The following ABCA13 variants were observed in gnomAD, a reference collection of about 807,000 sequenced individuals.
The protein encoded by ABCA13 is ATP-binding cassette sub-family A member 13.
ABCA13 carries 476 observed loss-of-function variants against 478.7 expected under a neutral mutation model. The observed-to-expected ratio is 0.99, with a 90% CI of 0.92 to 1.07. The LOEUF is 1.07. ABCA13 is among the 50% of genes least tolerant of loss of function. The pLI is 0.00. For missense variants in ABCA13, 6,060 were observed against 5,910.6 expected (o/e 1.03, Z -0.83); for synonymous variants, 2,252 against 2,158.9 (o/e 1.04, Z -1.20).
chr7:48,202,571 T>C (rs570540741), intron 3 of ABCA13, among the ~76,000 whole-genome samples: 1 of 152,030 alleles, frequency 6.6e-6, no homozygotes, highest in East Asian at 1.9e-4. Context: ...GGGTGCTGAT[T>C]GGAGTGTTTA....
intron 42 of ABCA13, among the ~76,000 whole-genome samples, chr7:48,437,679 A>T (rs1361450861): frequency 6.6e-6 from 1 of 152,068 alleles, no homozygotes; most frequent in African/African-American, 2.4e-5. Context: ...TGTCTAAATA[A>T]TCGTTTGTTG....
chr7:48,458,233 G>A (rs1397820198), intron 43 of ABCA13, among the ~76,000 whole-genome samples: 1 of 152,150 alleles, frequency 6.6e-6, no homozygotes, highest in African/African-American at 2.4e-5. Flanking sequence ...TCTAAATCTT[G>A]GCACAGGAAT....
intron 58 of ABCA13, among the ~76,000 whole-genome samples, chr7:48,608,728 A>G: frequency 6.6e-6 from 1 of 152,222 alleles, no homozygotes; most frequent in East Asian, 1.9e-4. Flanking sequence ...AGTGGGGAGC[A>G]GCCTATGGCT....
At chr7:48,472,413 G>C (rs1179639841) in intron 45 of ABCA13, among the ~76,000 whole-genome samples, 1 of 152,118 alleles carries the variant, frequency 6.6e-6, no homozygotes, top group Non-Finnish European at 1.5e-5. Flanking sequence ...TTGAGCCAAA[G>C]TTGAGAACAG....
intron 58 of ABCA13, 46 bp from the exon 59 acceptor site, chr7:48,615,239 C>A: frequency 8.0e-7 from 1 of 1,247,786 alleles, no homozygotes; most frequent in Non-Finnish European, 1.1e-6. Context: ...TCAACCCTCC[C>A]CTCTTCAGGA....
chr7:48,190,851 A>G (rs1797013450), intron 1 of ABCA13, among the ~76,000 whole-genome samples: 1 of 152,286 alleles, frequency 6.6e-6, no homozygotes, highest in East Asian at 1.9e-4. Flanking sequence ...ATCTTTCTGT[A>G]CTTTTAAAAT....
At chr7:48,630,855 C>G (rs114013090) in intron 59 of ABCA13, among the ~76,000 whole-genome samples, 2,346 of 150,908 alleles carry the variant, frequency 0.016, 52 homozygotes, top group African/African-American at 0.053. Flanking sequence ...CATCCTGACT[C>G]GTGTGAAATA....
rs369621069 is a variant in ABCA13 at position 48,364,956 on chromosome 7, A to G, written c.10689-2838A>G. ...GGAATTGCTGGGTCATATTGTAGTT[A>G]TATTTTTTAGTTATTTGAGGAAACT... On this transcript the variant is annotated intron_variant, in intron 31 of 61. Transcript: ENST00000435803. Among the ~76,000 whole-genome samples, 7 of 152,152 alleles carry G rather than the reference A, an allele frequency of 4.6e-5. No individual in the cohort carries two copies. The East Asian group carries it at 1.4e-3, about 29-fold the overall frequency.
chr7:48,460,574 A>G (rs188825884), intron 43 of ABCA13, among the ~76,000 whole-genome samples: 23 of 152,260 alleles, frequency 1.5e-4, no homozygotes, highest in Admixed American at 9.8e-4. Context: ...TCATCTAATT[A>G]TATCTGGACA....
chr7:48,171,692 T>A, intron 1 of ABCA13, 140 bp downstream of exon 1: 2 of 961,542 alleles, frequency 2.1e-6, no homozygotes, highest in Non-Finnish European at 3.1e-6. Flanking sequence ...TGGATTATTT[T>A]AAATCAAAAC....
intron 9 of ABCA13, among the ~76,000 whole-genome samples, chr7:48,240,320 T>C (rs1042666312): frequency 1.3e-5 from 2 of 152,142 alleles, no homozygotes; most frequent in Non-Finnish European, 2.9e-5. Context: ...TAACTCATGG[T>C]TAATTAAGGC....
intron 59 of ABCA13, among the ~76,000 whole-genome samples, chr7:48,640,431 CATTA>C (rs1795023743): frequency 6.6e-6 from 1 of 152,156 alleles, no homozygotes; most frequent in Non-Finnish European, 1.5e-5. Flanking sequence ...TCTGTTTTAG[CATTA>C]ATTAATATAT....
intron 41 of ABCA13, among the ~76,000 whole-genome samples, chr7:48,418,069 A>G (rs1001642666): frequency 6.6e-6 from 1 of 152,146 alleles, no homozygotes; most frequent in African/African-American, 2.4e-5. Flanking sequence ...ACCATAGTCT[A>G]TTTATCTATT....
chr7:48,253,092 T>C (rs557414890), intron 15 of ABCA13, among the ~76,000 whole-genome samples: 1 of 152,202 alleles, frequency 6.6e-6, no homozygotes, highest in African/African-American at 2.4e-5. Flanking sequence ...TAAAATGTAT[T>C]ATTCAGTCTC....
chr7:48,184,480 A>C (rs917692428), intron 1 of ABCA13, among the ~76,000 whole-genome samples: 1 of 152,202 alleles, frequency 6.6e-6, no homozygotes, highest in Non-Finnish European at 1.5e-5. Context: ...AGCATTAAAA[A>C]GAAAAGGAAA....
intron 37 of ABCA13, among the ~76,000 whole-genome samples, chr7:48,390,981 T>A (rs547873390): frequency 6.6e-6 from 1 of 152,282 alleles, no homozygotes; most frequent in Admixed American, 6.5e-5. Context: ...TCCTGTGTGG[T>A]AGGGGCATGT....
chr7:48,471,667 A>T, intron 45 of ABCA13, 68 bp downstream of exon 45: 1 of 1,383,224 alleles, frequency 7.2e-7, no homozygotes, highest in Non-Finnish European at 9.8e-7. Flanking sequence ...AGTTTACCCT[A>T]TCTATAAAAT....
chr7:48,578,168 T>C (rs1040541762), intron 55 of ABCA13, among the ~76,000 whole-genome samples: 2 of 152,110 alleles, frequency 1.3e-5, no homozygotes, highest in Non-Finnish European at 2.9e-5. Context: ...GAACAAGATG[T>C]CCTCTCTCTC....
intron 39 of ABCA13, among the ~76,000 whole-genome samples, chr7:48,409,296 C>A (rs1282068034): frequency 6.6e-6 from 1 of 152,192 alleles, no homozygotes; most frequent in Non-Finnish European, 1.5e-5. Context: ...ACCAAAATAT[C>A]TTCTAGTTTC....
Sources: gnomAD v4.1 joint callset for allele counts (sites outside exome capture counted in the v4.1 genomes callset) on GRCh38, gnomAD v4.1.1 for gene constraint, MANE v1.5 for transcripts, NCBI Gene and HGNC (gene_info 2026-07-23, HGNC 2026-07-21) for gene names.